Variants in RARB observed in about 807,000 individuals in gnomAD.
The protein encoded by RARB is HBV-activated protein.
RARB carries 17 observed loss-of-function variants against 51.9 expected under a neutral mutation model. That is an observed-to-expected ratio of 0.33 (90% CI 0.22 to 0.49). The LOEUF (loss-of-function observed/expected upper bound fraction) is 0.49. RARB is among the 20% of genes least tolerant of loss of function. The probability of loss-of-function intolerance (pLI) is 0.99; values close to 1 mark genes in which losing one functional copy is unlikely to be tolerated. For synonymous variants in RARB, 215 were observed against 195.4 expected, an observed-to-expected ratio of 1.10 and a Z score of -0.84; for missense variants, 369 against 550.8, an observed-to-expected ratio of 0.67 and a Z score of 3.30.
At chr3:24,908,208 A>G (rs1456242949) in intron 2 of RARB, among the ~76,000 whole-genome samples, 8 of 152,198 alleles carry the variant, frequency 5.3e-5, no homozygotes. Context: ...CTAGAGGTAT[A>G]CTTGGATTTT....
At chr3:25,479,943 C>T (rs1225689588) in intron 2 of RARB, among the ~76,000 whole-genome samples, 3 of 152,128 alleles carry the variant, frequency 2.0e-5, no homozygotes, top group African/African-American at 7.2e-5. Flanking sequence ...CCACAAAATG[C>T]CCATTACCCT....
intron 2 of RARB, among the ~76,000 whole-genome samples, chr3:24,960,623 C>G (rs1696118921): frequency 6.6e-6 from 1 of 152,158 alleles, no homozygotes; most frequent in Non-Finnish European, 1.5e-5. Flanking sequence ...AATATGTGAT[C>G]TATTCCTTCT....
intron 5 of RARB, among the ~76,000 whole-genome samples, chr3:25,395,158 T>C (rs1204849252): frequency 6.6e-6 from 1 of 152,202 alleles, no homozygotes; most frequent in Non-Finnish European, 1.5e-5. Flanking sequence ...GTTCATTTAT[T>C]AAGCTTAGTT....
chr3:25,558,914 C>A (rs1251388146), intron 3 of RARB, among the ~76,000 whole-genome samples: 1 of 152,062 alleles, frequency 6.6e-6, no homozygotes, highest in African/African-American at 2.4e-5. Flanking sequence ...CACTATATCT[C>A]CCCACTTCTC....
chr3:24,861,639 A>G (rs1234040640), intron 2 of RARB, among the ~76,000 whole-genome samples: 1 of 151,920 alleles, frequency 6.6e-6, no homozygotes. Flanking sequence ...AAAAAAGTTA[A>G]TGAGAAGCGT....
chr3:25,050,412 C>T (rs1313279751), intron 2 of RARB, among the ~76,000 whole-genome samples: 1 of 151,920 alleles, frequency 6.6e-6, no homozygotes. Context: ...TAAATCTTTA[C>T]TTCTCAAAAG....
chr3:25,048,536 C>G (rs1184527124), intron 2 of RARB, among the ~76,000 whole-genome samples: 3 of 152,090 alleles, frequency 2.0e-5, no homozygotes, highest in African/African-American at 7.2e-5. Context: ...AAGTTGTTTT[C>G]TAAAAATATT....
chr3:25,493,322 C>T (rs1272191584), intron 2 of RARB, among the ~76,000 whole-genome samples: 1 of 152,222 alleles, frequency 6.6e-6, no homozygotes. Flanking sequence ...CACGCATAGA[C>T]TTCCACTCTC....
intron 2 of RARB, among the ~76,000 whole-genome samples, chr3:24,872,124 G>A (rs942510706): frequency 5.9e-5 from 9 of 152,118 alleles, no homozygotes; most frequent in Admixed American, 5.9e-4. Context: ...CTTAAAGCCA[G>A]AATCCTTAGA....
intron 5 of RARB, among the ~76,000 whole-genome samples, chr3:25,202,866 A>G (rs79247682): frequency 0.1 from 15,198 of 152,170 alleles, 1,009 homozygotes; most frequent in South Asian, 0.26. Context: ...TATGTGGTCA[A>G]TTTTGGAATA....
At chr3:25,325,507 C>T (rs936388652) in intron 5 of RARB, among the ~76,000 whole-genome samples, 3 of 152,074 alleles carry the variant, frequency 2.0e-5, no homozygotes, top group Admixed American at 2.0e-4. Flanking sequence ...TGGAGTCGAT[C>T]TGGCTCAAAC....
At chr3:25,255,302 C>G (rs956568708) in intron 5 of RARB, among the ~76,000 whole-genome samples, 5 of 152,130 alleles carry the variant, frequency 3.3e-5, no homozygotes, top group Non-Finnish European at 7.4e-5. Context: ...GCCACCCCAG[C>G]AGTGACTAGC....
chr3:24,862,645 A>C (rs945454186), intron 2 of RARB, among the ~76,000 whole-genome samples: 2 of 152,162 alleles, frequency 1.3e-5, no homozygotes, highest in African/African-American at 4.8e-5. Flanking sequence ...ATTATAGGTT[A>C]CAAAAACATA....
intron 5 of RARB, among the ~76,000 whole-genome samples, chr3:25,373,501 A>G (rs1364473830): frequency 1.3e-5 from 2 of 152,216 alleles, no homozygotes; most frequent in Non-Finnish European, 2.9e-5. Flanking sequence ...AGAAGTTCCC[A>G]GAAGTCAGAA....
At chr3:24,933,629 A>T (rs1040917519) in intron 2 of RARB, among the ~76,000 whole-genome samples, 8 of 152,068 alleles carry the variant, frequency 5.3e-5, no homozygotes, top group African/African-American at 1.9e-4. Context: ...CTTCAAGAGC[A>T]GAAGTTATTA....
intron 2 of RARB, among the ~76,000 whole-genome samples, chr3:24,937,067 A>T (rs1228983583): frequency 6.6e-6 from 1 of 152,184 alleles, no homozygotes; most frequent in African/African-American, 2.4e-5. Flanking sequence ...AGAATGTAAC[A>T]TTCATCTTTT....
rs1401062271 is a variant in RARB, at chr3:25,163,899, A to G, written c.-279-10220A>G. Among the ~76,000 whole-genome samples the G allele has an allele frequency of 2.6e-5, 4 of 152,202 alleles. No individual in the cohort carries two copies. In the South Asian group the frequency reaches 6.2e-4, roughly 24 times the overall value. ...GCATGGAATAGGAGAAGACCTGAGTATGGTAACTTTCCTGGCCATAGGTCT... is the reference window on the plus strand; with the variant it reads ...GCATGGAATAGGAGAAGACCTGAGTGTGGTAACTTTCCTGGCCATAGGTCT... On this transcript the variant is annotated intron_variant, in intron 4 of 11. Coordinates refer to the RARB transcript ENST00000383772.
chr3:25,123,349 G>T (rs1443783844), intron 3 of RARB, among the ~76,000 whole-genome samples: 1 of 152,166 alleles, frequency 6.6e-6, no homozygotes, highest in Non-Finnish European at 1.5e-5. Flanking sequence ...TGCTCCTGTG[G>T]TTTCTTTGGC....
intron 1 of RARB, among the ~76,000 whole-genome samples, chr3:24,830,420 C>CGTGTGTGTTT (rs1553606085): frequency 1.6e-5 from 2 of 121,400 alleles, no homozygotes; most frequent in Non-Finnish European, 3.3e-5. Context: ...TGACAGAAGA[C>CGTGTGTGTTT]GTGTGTGTGT....
Sources: allele counts gnomAD v4.1 joint callset (sites outside exome capture counted in the v4.1 genomes callset), GRCh38; gene constraint gnomAD v4.1.1; transcripts MANE v1.5; gene names NCBI Gene and HGNC (gene_info 2026-07-23, HGNC 2026-07-21).